Variants in MAGI2 observed in about 807,000 individuals in gnomAD.
MAGI2 encodes membrane-associated guanylate kinase, WW and PDZ domain-containing protein 2.
A neutral mutation model predicts 133.3 loss-of-function variants in MAGI2; 35 were observed. The observed-to-expected ratio is 0.26, with a 90% CI of 0.20 to 0.35. MAGI2 has a LOEUF of 0.35. Ranked by LOEUF, MAGI2 falls within the 10% of genes least tolerant of loss-of-function variation. The pLI, the probability that MAGI2 is intolerant of heterozygous loss-of-function variation, is 1.00. For synonymous variants in MAGI2, 729 were observed against 710.6 expected, an observed-to-expected ratio of 1.03 and a Z score of -0.41; for missense variants, 1,636 against 1,863.4, an observed-to-expected ratio of 0.88 and a Z score of 2.25.
intron 2 of MAGI2, among the ~76,000 whole-genome samples, chr7:78,966,769 C>A (rs1286001977): frequency 6.6e-6 from 1 of 151,484 alleles, no homozygotes; most frequent in Admixed American, 6.6e-5. Context: ...ACAGGGGCTG[C>A]ACCATTAAAC....
intron 3 of MAGI2, among the ~76,000 whole-genome samples, chr7:78,606,613 A>T (rs1487429251): frequency 6.6e-6 from 1 of 151,854 alleles, no homozygotes; most frequent in Non-Finnish European, 1.5e-5. Flanking sequence ...ATATTCTATA[A>T]AATGTCATGA....
At chr7:78,282,375 C>T (rs909064321) in intron 9 of MAGI2, among the ~76,000 whole-genome samples, 2 of 152,098 alleles carry the variant, frequency 1.3e-5, no homozygotes, top group Admixed American at 6.6e-5. Context: ...AGTAGGCAAA[C>T]CCAGCACACT....
chr7:78,408,350 C>T (rs529156389), intron 6 of MAGI2, among the ~76,000 whole-genome samples: 2 of 152,042 alleles, frequency 1.3e-5, no homozygotes, highest in African/African-American at 4.8e-5. Flanking sequence ...TATCTGTTTC[C>T]AAGCAATTAT....
chr7:78,758,238 TA>T (rs1463180193), intron 2 of MAGI2, among the ~76,000 whole-genome samples: 1 of 152,182 alleles, frequency 6.6e-6, no homozygotes, highest in Non-Finnish European at 1.5e-5. Context: ...TCTTGTATCC[TA>T]TTGGTCTCCC....
intron 2 of MAGI2, among the ~76,000 whole-genome samples, chr7:78,888,573 A>G (rs903398717): frequency 6.6e-6 from 1 of 152,112 alleles, no homozygotes; most frequent in Non-Finnish European, 1.5e-5. Context: ...CTGTTCACCA[A>G]TATCCGCTGT....
intron 16 of MAGI2, among the ~76,000 whole-genome samples, chr7:78,140,765 A>G (rs770909456): frequency 3.3e-5 from 5 of 152,356 alleles, no homozygotes; most frequent in East Asian, 1.9e-4. Flanking sequence ...CAATCAACAC[A>G]TTTCAGAATA....
intron 16 of MAGI2, among the ~76,000 whole-genome samples, chr7:78,146,793 A>G (rs17524120): frequency 0.15 from 23,311 of 152,172 alleles, 2,343 homozygotes; most frequent in Non-Finnish European, 0.22. Context: ...TCATTTTTAC[A>G]GATCCAGTGT....
chr7:79,431,596 ATTC>A (rs900966824), intron 1 of MAGI2, among the ~76,000 whole-genome samples: 4 of 152,312 alleles, frequency 2.6e-5, no homozygotes, highest in Admixed American at 6.5e-5. Flanking sequence ...AAATATTATA[ATTC>A]TTCTAAATGT....
At chr7:78,040,888 T>C (rs1810761920) in intron 21 of MAGI2, among the ~76,000 whole-genome samples, 1 of 152,178 alleles carries the variant, frequency 6.6e-6, no homozygotes, top group South Asian at 2.1e-4. Flanking sequence ...AAGTCATCCT[T>C]CCAAGGCGGC....
intron 9 of MAGI2, among the ~76,000 whole-genome samples, chr7:78,317,322 G>C (rs1787519076): frequency 6.6e-6 from 1 of 152,130 alleles, no homozygotes; most frequent in African/African-American, 2.4e-5. Context: ...CACCAATCAA[G>C]AACAGGAGAA....
intron 1 of MAGI2, among the ~76,000 whole-genome samples, chr7:79,403,986 C>CA (rs1845638199): frequency 6.6e-6 from 1 of 152,062 alleles, no homozygotes; most frequent in African/African-American, 2.4e-5. Flanking sequence ...TTTCAAGGGC[C>CA]AAGAAGATAA....
At chr7:78,199,550 G>C (rs558875513) in intron 11 of MAGI2, among the ~76,000 whole-genome samples, 2 of 152,258 alleles carry the variant, frequency 1.3e-5, no homozygotes, top group Non-Finnish European at 2.9e-5. Flanking sequence ...CATCTGTTAG[G>C]AAAAGAAGCA....
intron 1 of MAGI2, among the ~76,000 whole-genome samples, chr7:79,355,004 A>G (rs913119848): frequency 3.3e-5 from 5 of 152,282 alleles, no homozygotes; most frequent in African/African-American, 1.2e-4. Flanking sequence ...TCTCTACCTG[A>G]GGAATACCAC....
intron 9 of MAGI2, among the ~76,000 whole-genome samples, chr7:78,320,918 A>T (rs572363113): frequency 7.2e-5 from 11 of 152,216 alleles, no homozygotes; most frequent in Non-Finnish European, 1.6e-4. Flanking sequence ...AAGCAACTTC[A>T]GCAAAGTCTC....
chr7:79,128,314 AC>A (rs967784292), intron 1 of MAGI2, among the ~76,000 whole-genome samples: 3 of 152,134 alleles, frequency 2.0e-5, no homozygotes, highest in Non-Finnish European at 4.4e-5. Flanking sequence ...GTCAAAAAGT[AC>A]CCCTAAGTAT....
chr7:79,295,893 A>G (rs1836893079), intron 1 of MAGI2, among the ~76,000 whole-genome samples: 1 of 152,186 alleles, frequency 6.6e-6, no homozygotes, highest in Non-Finnish European at 1.5e-5. Context: ...ATGTCTTATT[A>G]CTTTGAATTT....
intron 20 of MAGI2, among the ~76,000 whole-genome samples, chr7:78,113,308 A>G (rs1819539006): frequency 6.6e-6 from 1 of 152,198 alleles, no homozygotes; most frequent in Admixed American, 6.5e-5. Flanking sequence ...CATCTTATCT[A>G]GCAGGCTGAG....
At chr7:79,016,548 T>C (rs1460342980) in intron 1 of MAGI2, among the ~76,000 whole-genome samples, 1 of 152,066 alleles carries the variant, frequency 6.6e-6, no homozygotes, top group Non-Finnish European at 1.5e-5. Flanking sequence ...CTCCCCTGAG[T>C]TGCTTTGCTG....
chr7:78,897,780 A>G (rs947215975), intron 2 of MAGI2, among the ~76,000 whole-genome samples: 1 of 152,158 alleles, frequency 6.6e-6, no homozygotes, highest in Non-Finnish European at 1.5e-5. Context: ...AAGTTTTTCC[A>G]TTTGTTTGTG....
Sources: gnomAD v4.1 joint callset for allele counts (sites outside exome capture counted in the v4.1 genomes callset) on GRCh38, gnomAD v4.1.1 for gene constraint, MANE v1.5 for transcripts, NCBI Gene and HGNC (gene_info 2026-07-23, HGNC 2026-07-21) for gene names.